The following PCDHGB4 variants were observed in gnomAD, a reference collection of about 807,000 sequenced individuals.
PCDHGB4 encodes protocadherin gamma subfamily B, 4.
PCDHGB4 carries 38 observed loss-of-function variants against 60.5 expected under a neutral mutation model. That is an observed-to-expected ratio of 0.63 (90% CI 0.48 to 0.82). The LOEUF is 0.82. Ranked by LOEUF, PCDHGB4 falls within the 40% of genes least tolerant of loss-of-function variation. The probability of loss-of-function intolerance (pLI) is 0.00; values close to 1 mark genes in which losing one functional copy is unlikely to be tolerated. For synonymous variants in PCDHGB4, 456 were observed against 509.7 expected (o/e 0.89, Z 1.42); for missense variants, 1,109 against 1,209.6 (o/e 0.92, Z 1.23).
intron 1 of PCDHGB4, among the ~76,000 whole-genome samples, chr5:141,458,436 C>T (rs2098945707): frequency 6.6e-6 from 1 of 152,056 alleles, no homozygotes; most frequent in Non-Finnish European, 1.5e-5. Context: ...AAGAGGAGGT[C>T]CCCCACATTA....
intron 1 of PCDHGB4, chr5:141,419,739 G>T: frequency 6.2e-7 from 1 of 1,613,770 alleles, no homozygotes; most frequent in South Asian, 1.1e-5. Context: ...GGCGAGGTGC[G>T]CATGGTGCGT....
intron 1 of PCDHGB4, chr5:141,413,804 CCATTCACCACCTGGTCCTCA>C: frequency 1.2e-6 from 2 of 1,613,194 alleles, no homozygotes; most frequent in Non-Finnish European, 1.7e-6. Flanking sequence ...GAGGAAGAGG[CCATTCACCACCTGGTCCTCA>C]CCGCCTCCGA....
Position 141,489,119 on chromosome 5 carries a change from C to T in PCDHGB4, c.2398-5688C>T, listed in dbSNP as rs1236074950. The T allele has an allele frequency of 2.0e-5, 13 of 650,240 alleles. No individual in the cohort carries two copies. Among genetic ancestry groups the T allele is most frequent in the African/African-American group, 9.1e-5 (5 of 55,178 alleles). 40.3% of individuals were successfully genotyped at this position (650,240 alleles called of 1,614,324 possible). ...GAACTGCTGCAAGCAGGCAAACCTC[C>T]GAGCAGTTTTTAAGAGGCTGGAAGG... On this transcript the variant is annotated intron_variant, in intron 1 of 3. Coordinates refer to ENST00000519479, the MANE Select transcript of PCDHGB4 (RefSeq NM_003736.4). This position sits in a 1 kb window ranked among gnomAD's most constrained non-coding sequence, Gnocchi z 4.5.
At chr5:141,405,804 C>T (rs1277295024) in intron 1 of PCDHGB4, among the ~76,000 whole-genome samples, 1 of 146,338 alleles carries the variant, frequency 6.8e-6, no homozygotes, top group Non-Finnish European at 1.5e-5. Context: ...AGTTAGCTTT[C>T]TCTTTAACTG....
At chr5:141,415,538 G>A in intron 1 of PCDHGB4, 1 of 1,614,182 alleles carries the variant, frequency 6.2e-7, no homozygotes, top group Non-Finnish European at 8.5e-7. Flanking sequence ...AGCCAGGAGA[G>A]CTGTGAGAAA....
chr5:141,491,705 G>A lies in PCDHGB4; in HGVS notation c.2398-3102G>A. ...ACGCTGCGGGAGCGGAGCCAGGTGA[G>A]GGGCTCGGCGCCGCCCCGGGCGACC... is the stretch of plus-strand genomic sequence containing the variant. On this transcript the variant is annotated intron_variant, in intron 1 of 3. Transcript: ENST00000519479. The surrounding 1 kb of genome is among the most constrained non-coding windows in gnomAD (Gnocchi z 6.9). 1 of 1,611,064 alleles carries A rather than the reference G, an allele frequency of 6.2e-7. No homozygotes were observed. Among genetic ancestry groups the A allele is most frequent in the South Asian group, 1.1e-5 (1 of 90,828 alleles).
intron 1 of PCDHGB4, chr5:141,442,016 C>CCA (rs1561906409): frequency 4.6e-6 from 1 of 219,336 alleles, no homozygotes; most frequent in African/African-American, 2.4e-5. Context: ...GCACGATGGG[C>CCA]CACAGGAAAG....
At chr5:141,394,494 G>A (rs771645801) in intron 1 of PCDHGB4, 4 of 1,614,200 alleles carry the variant, frequency 2.5e-6, no homozygotes, top group Non-Finnish European at 1.7e-6. Flanking sequence ...CAACGCGCCC[G>A]AGATCCTGTA....
intron 1 of PCDHGB4, among the ~76,000 whole-genome samples, chr5:141,424,839 A>G (rs1264853498): frequency 6.6e-6 from 1 of 152,198 alleles, no homozygotes; most frequent in Non-Finnish European, 1.5e-5. Context: ...CATACATGTT[A>G]TCTGAAGCAA....
intron 1 of PCDHGB4, chr5:141,422,726 T>C: frequency 5.6e-6 from 9 of 1,605,994 alleles, no homozygotes; most frequent in African/African-American, 4.0e-5. Flanking sequence ...GTCCAGGGGG[T>C]GCCTCTGTCC....
In PCDHGB4 at chr5:141,489,071, CA is replaced by C; in HGVS notation, c.2398-5735del. 3.1e-6 allele frequency: 1 copy of C among 326,700 alleles called. No homozygotes were observed. Among genetic ancestry groups the C allele is most frequent in the East Asian group, 5.9e-5 (1 of 17,012 alleles). 20.2% of individuals were successfully genotyped at this position (326,700 alleles called of 1,614,324 possible). A position where few individuals can be genotyped will look rare whatever the true frequency, so the allele number is the denominator to read the frequency against. On this transcript the variant is annotated intron_variant, in intron 1 of 3. Transcript: ENST00000519479. This position sits in a 1 kb window ranked among gnomAD's most constrained non-coding sequence, Gnocchi z 4.5. Reference sequence around the variant, plus strand: ...AAATTCAGCTCCCCTCCCCCCTGCCCACCCCCGCCACTCGGTGACTAAGAAC... The same window carrying C: ...AAATTCAGCTCCCCTCCCCCCTGCCCCCCCCGCCACTCGGTGACTAAGAAC...
chr5:141,393,016 C>G, intron 1 of PCDHGB4: 1 of 1,613,872 alleles, frequency 6.2e-7, no homozygotes, highest in East Asian at 2.2e-5. Flanking sequence ...CGTATCGTCT[C>G]CAGAGGTAGG....
chr5:141,491,884 G>C lies in PCDHGB4; in HGVS notation c.2398-2923G>C, dbSNP rs745931108. 5.0e-5 allele frequency: 73 copies of C among 1,446,372 alleles called. No homozygotes were observed. The highest frequency in any genetic ancestry group is 6.3e-5 in the Non-Finnish European group (69 of 1,094,334). The allele number at this position is 1,446,372 out of a possible 1,614,324, so 89.6% of individuals were successfully genotyped here. A position where few individuals can be genotyped will look rare whatever the true frequency, so the allele number is the denominator to read the frequency against. On this transcript the variant is annotated intron_variant, in intron 1 of 3. Coordinates refer to ENST00000519479, the MANE Select transcript of PCDHGB4 (RefSeq NM_003736.4). The surrounding 1 kb of genome is among the most constrained non-coding windows in gnomAD (Gnocchi z 6.9). The stretch of plus-strand genomic sequence containing the variant: ...AACCAGAGTGGCCGATTAAGGGATG[G>C]GGCTCCGAGCACCGGGGGTGGTGGC...
chr5:141,389,865 G>A lies in PCDHGB4; in HGVS notation c.1981G>A (p.Val661Ile). 2 of 1,614,080 alleles carry A rather than the reference G, an allele frequency of 1.2e-6. No individual in the cohort carries two copies. Among genetic ancestry groups the A allele is most frequent in the Non-Finnish European group, 1.7e-6 (2 of 1,179,910 alleles). Reference sequence around the variant, plus strand: ...CTCGGCCACTGCCACGTTGCACCTGGTCTTCGCCGACAGCTTGCAGGAGGT... The same window carrying A: ...CTCGGCCACTGCCACGTTGCACCTGATCTTCGCCGACAGCTTGCAGGAGGT... ...PLSATATLHL[V>I]FADSLQEVLP... The change falls in exon 1 of 4, where the codon GTC (valine) becomes ATC (isoleucine). Residue 661 changes from valine to isoleucine, a missense_variant. By Grantham distance (29) the Val-to-Ile change is conservative. Coordinates refer to ENST00000519479, the MANE Select transcript of PCDHGB4 (RefSeq NM_003736.4).
chr5:141,408,918 C>G, intron 1 of PCDHGB4: 1 of 1,613,408 alleles, frequency 6.2e-7, no homozygotes, highest in Non-Finnish European at 8.5e-7. Flanking sequence ...AATGATAACC[C>G]CCCGGTTTTC....
chr5:141,472,853 G>A (rs1283601489), intron 1 of PCDHGB4, among the ~76,000 whole-genome samples: 1 of 151,738 alleles, frequency 6.6e-6, no homozygotes, highest in Non-Finnish European at 1.5e-5. Flanking sequence ...GGGCATGGTG[G>A]CACATGCCTG....
intron 1 of PCDHGB4, chr5:141,422,970 C>T (rs1348343583): frequency 1.2e-6 from 2 of 1,614,246 alleles, no homozygotes; most frequent in East Asian, 2.2e-5. Flanking sequence ...TGGCGCCCCG[C>T]TCTGCGGAAC....
chr5:141,455,502 A>G (rs888549465), intron 1 of PCDHGB4, among the ~76,000 whole-genome samples: 12 of 152,206 alleles, frequency 7.9e-5, no homozygotes, highest in African/African-American at 2.7e-4. Flanking sequence ...TCTGATTTGC[A>G]TAGGGCTCAG....
chr5:141,465,801 C>T (rs1380215288), intron 1 of PCDHGB4, among the ~76,000 whole-genome samples: 2 of 151,400 alleles, frequency 1.3e-5, no homozygotes, highest in Non-Finnish European at 2.9e-5. Context: ...TTAAGAAACC[C>T]TTCAGGATCT....
Sources: allele counts gnomAD v4.1 joint callset (sites outside exome capture counted in the v4.1 genomes callset), GRCh38; gene constraint gnomAD v4.1.1; non-coding constraint Gnocchi (gnomAD v3.1); transcripts MANE v1.5; gene names NCBI Gene and HGNC (gene_info 2026-07-23, HGNC 2026-07-21).